The following PCDHGB1 variants were observed in gnomAD, a reference collection of about 807,000 sequenced individuals.
PCDHGB1 encodes protocadherin gamma-B1.
A neutral mutation model predicts 56.6 loss-of-function variants in PCDHGB1; 34 were observed. The observed-to-expected ratio is 0.60, with a 90% CI of 0.46 to 0.80. The LOEUF is 0.80. Among genes scored for constraint, PCDHGB1 ranks in the 30% least tolerant of loss-of-function variants. The pLI is 0.00. For synonymous variants in PCDHGB1, 561 were observed against 505.9 expected (o/e 1.11, Z -1.46); for missense variants, 1,278 against 1,204.6 (o/e 1.06, Z -0.90).
chr5:141,490,941 A>G lies in PCDHGB1; in HGVS notation c.2410-3866A>G. The G allele has an allele frequency of 6.2e-7, 1 of 1,613,628 alleles. No homozygotes were observed. The highest frequency in any genetic ancestry group is 8.5e-7 in the Non-Finnish European group (1 of 1,179,772). On this transcript the variant is annotated intron_variant, in intron 1 of 3. Coordinates refer to ENST00000523390, the MANE Select transcript of PCDHGB1 (RefSeq NM_018922.3). The surrounding 1 kb of genome is among the most constrained non-coding windows in gnomAD (Gnocchi z 5.4). ...ATAATGCCCCAGCTGTGCTGCACCC[A>G]CGGCCAGACTGGGAACACTCAGCCC... is the stretch of plus-strand genomic sequence containing the variant.
chr5:141,384,405 C>T (rs1780049839), intron 1 of PCDHGB1: 2 of 1,613,882 alleles, frequency 1.2e-6, no homozygotes, highest in Non-Finnish European at 8.5e-7. Flanking sequence ...CTCCAGTGTC[C>T]TCCTATGTCT....
intron 1 of PCDHGB1, chr5:141,361,092 C>T (rs377144808): frequency 6.2e-7 from 1 of 1,613,938 alleles, no homozygotes; most frequent in Non-Finnish European, 8.5e-7. Flanking sequence ...CTCTGAGTAT[C>T]GAAGCAAAAG....
chr5:141,485,387 C>T lies in PCDHGB1; in HGVS notation c.2410-9420C>T. The T allele has an allele frequency of 6.2e-7, 1 of 1,614,078 alleles. No homozygotes were observed. Among genetic ancestry groups the T allele is most frequent in the Non-Finnish European group, 8.5e-7 (1 of 1,179,994 alleles). On this transcript the variant is annotated intron_variant, in intron 1 of 3. Coordinates refer to ENST00000523390, the MANE Select transcript of PCDHGB1 (RefSeq NM_018922.3). This position sits in a 1 kb window ranked among gnomAD's most constrained non-coding sequence, Gnocchi z 5.7. ...GCTGCAGGTCGCTGGAGAGGTGAAC[C>T]AAAGACACTTCCGTGTGGATTTGGA...
chr5:141,486,745 C>T lies in PCDHGB1; in HGVS notation c.2410-8062C>T, dbSNP rs1167986336. On this transcript the variant is annotated intron_variant, in intron 1 of 3. Coordinates refer to ENST00000523390, the MANE Select transcript of PCDHGB1 (RefSeq NM_018922.3). This position sits in a 1 kb window ranked among gnomAD's most constrained non-coding sequence, Gnocchi z 5.0. ...CTGTTCATGCTACTCGATCCTTTGA[C>T]TATGAGCAAACCCAGACACTGCAGT... 3.1e-6 allele frequency: 5 copies of T among 1,614,226 alleles called. No homozygotes were observed. The highest frequency in any genetic ancestry group is 3.4e-6 in the Non-Finnish European group (4 of 1,180,044).
intron 1 of PCDHGB1, chr5:141,405,099 T>C: frequency 6.2e-7 from 1 of 1,613,942 alleles, no homozygotes; most frequent in East Asian, 2.2e-5. Flanking sequence ...GCCCTCAGGC[T>C]GAGGCACTGG....
At chr5:141,355,046 A>T in intron 1 of PCDHGB1, 1 of 1,149,106 alleles carries the variant, frequency 8.7e-7, no homozygotes, top group Non-Finnish European at 1.2e-6. Context: ...CTGCAGCACA[A>T]AGCACTGGCT....
chr5:141,370,920 C>G, intron 1 of PCDHGB1: 4 of 1,613,994 alleles, frequency 2.5e-6, no homozygotes, highest in South Asian at 1.1e-5. Context: ...CAGCCCTGAT[C>G]CGCACTTCTC....
chr5:141,393,400 T>A (rs1427213486), intron 1 of PCDHGB1: 5 of 1,614,024 alleles, frequency 3.1e-6, no homozygotes, highest in Non-Finnish European at 4.2e-6. Context: ...GAGCTGGTGC[T>A]GGAGCGCGCC....
chr5:141,375,603 T>C, intron 1 of PCDHGB1: 4 of 1,614,158 alleles, frequency 2.5e-6, no homozygotes, highest in South Asian at 1.1e-5. Flanking sequence ...TACGTGTCCA[T>C]CAACTCCGAC....
At chr5:141,402,799 C>G in intron 1 of PCDHGB1, 1 of 1,061,846 alleles carries the variant, frequency 9.4e-7, no homozygotes, top group Non-Finnish European at 1.3e-6. Flanking sequence ...TACACAAAAC[C>G]CGGCAGATAC....
At chr5:141,436,959 G>A (rs1385958934) in intron 1 of PCDHGB1, among the ~76,000 whole-genome samples, 1 of 152,120 alleles carries the variant, frequency 6.6e-6, no homozygotes, top group Non-Finnish European at 1.5e-5. Context: ...TCTAAACAAG[G>A]ATCTTGTGAA....
chr5:141,399,260 T>A (rs2093776436), intron 1 of PCDHGB1: 1 of 1,613,614 alleles, frequency 6.2e-7, no homozygotes, highest in South Asian at 1.1e-5. Context: ...AATGGGGAGG[T>A]TAATTGTCAA....
rs142728816 is a variant in PCDHGB1 at position 141,356,050 on chromosome 5, G to T, written c.2409+3381G>T. On this transcript the variant is annotated intron_variant, in intron 1 of 3. Coordinates refer to ENST00000523390, the MANE Select transcript of PCDHGB1 (RefSeq NM_018922.3). ...AGACGTGACGTATTCTTTCCGGAAA[G>T]TAAGAGACAAAATATCACAGCTATT... 1,749 of 1,613,978 alleles carry T rather than the reference G, an allele frequency of 1.1e-3. 32 individuals carry two copies. In the East Asian group the frequency reaches 0.034, roughly 31 times the overall value.
At position 141,490,938 on chromosome 5, in the gene PCDHGB1, C is replaced by T. The variant is rs2099706179; in HGVS notation, c.2410-3869C>T. ...ATGATAATGCCCCAGCTGTGCTGCA[C>T]CCACGGCCAGACTGGGAACACTCAG... On this transcript the variant is annotated intron_variant, in intron 1 of 3. Coordinates refer to ENST00000523390, the MANE Select transcript of PCDHGB1 (RefSeq NM_018922.3). This position sits in a 1 kb window ranked among gnomAD's most constrained non-coding sequence, Gnocchi z 5.4. 6.2e-7 allele frequency: 1 copy of T among 1,613,554 alleles called. No homozygotes were observed. Among genetic ancestry groups the T allele is most frequent in the African/African-American group, 1.3e-5 (1 of 74,934 alleles).
chr5:141,422,605 G>A (rs2096658595), intron 1 of PCDHGB1: 1 of 1,613,898 alleles, frequency 6.2e-7, no homozygotes, highest in Non-Finnish European at 8.5e-7. Flanking sequence ...CTCTTACTCT[G>A]CCTACATTCC....
intron 1 of PCDHGB1, chr5:141,404,371 C>G (rs374054833): frequency 1.5e-5 from 25 of 1,613,774 alleles, no homozygotes; most frequent in Non-Finnish European, 2.0e-5. Context: ...CCATCTTCTC[C>G]GTGATTGCCT....
rs761831761 is a variant in PCDHGB1 at position 141,485,471 on chromosome 5, G to A, written c.2410-9336G>A. The A allele has an allele frequency of 4.3e-6, 7 of 1,614,144 alleles. No homozygotes were observed. The Admixed American group carries it at 5.0e-5, about 12-fold the overall frequency. On this transcript the variant is annotated intron_variant, in intron 1 of 3. Transcript: ENST00000523390. This position sits in a 1 kb window ranked among gnomAD's most constrained non-coding sequence, Gnocchi z 5.7. ...CCGAGAGGCACTGTGTGGGCTCAGT[G>A]CCAGCTGCATCGTGCCCCTGGAGTT...
rs776657082 is a variant in PCDHGB1, at chr5:141,432,778, G to A, written c.2410-62029G>A. On this transcript the variant is annotated intron_variant, in intron 1 of 3. Coordinates refer to ENST00000523390, the MANE Select transcript of PCDHGB1 (RefSeq NM_018922.3). The surrounding 1 kb of genome is among the most constrained non-coding windows in gnomAD (Gnocchi z 6.0). ...CCGACAGCATCCCCCAAGTCCTGGC[G>A]GACCTCGGCAGCCTCGAGTCTCCAG... 6.2e-7 allele frequency: 1 copy of A among 1,614,166 alleles called. No homozygotes were observed. Among genetic ancestry groups the A allele is most frequent in the Non-Finnish European group, 8.5e-7 (1 of 1,180,002 alleles).
Position 141,510,980 on chromosome 5 carries a change from G to C in PCDHGB1, c.2591G>C (p.Gly864Ala), listed in dbSNP as rs1466168256. 12 of 1,614,170 alleles carry C rather than the reference G, an allele frequency of 7.4e-6. No individual in the cohort carries two copies. The highest frequency in any genetic ancestry group is 9.3e-6 in the Non-Finnish European group (11 of 1,180,014). ...AADGSSTLGG[G>A]AGTMGLSARY... ...GATGGGAGCTCCACCCTGGGAGGGG[G>C]TGCCGGCACCATGGGATTGAGCGCC... is the stretch of plus-strand genomic sequence containing the variant. Residue 864 changes from glycine (G) to alanine (A), a missense_variant, in exon 4 of 4, where the codon GGT becomes GCT. By Grantham distance (60) the Gly-to-Ala change is moderately conservative (BLOSUM62 0). Transcript: ENST00000523390.
Sources: gnomAD v4.1 joint callset for allele counts (sites outside exome capture counted in the v4.1 genomes callset) on GRCh38, gnomAD v4.1.1 for gene constraint, Gnocchi (gnomAD v3.1) non-coding constraint, MANE v1.5 for transcripts, NCBI Gene and HGNC (gene_info 2026-07-23, HGNC 2026-07-21) for gene names.